Variants in MTMR7 observed in about 807,000 individuals in gnomAD.
MTMR7 encodes phosphatidylinositol-3-phosphate phosphatase MTMR7.
MTMR7 carries 76 observed loss-of-function variants against 81.2 expected under a neutral mutation model. The observed-to-expected ratio is 0.94, with a 90% confidence interval of 0.78 to 1.13. MTMR7 has a LOEUF of 1.13. Among genes scored for constraint, MTMR7 ranks in the 50% most tolerant of loss-of-function variants. The pLI is 0.00. For missense variants in MTMR7, 1,044 were observed against 820.0 expected (o/e 1.27, Z -3.34); for synonymous variants, 372 against 289.8 (o/e 1.28, Z -2.88).
chr8:17,374,726 T>C, intron 1 of MTMR7, among the ~76,000 whole-genome samples: 1 of 151,588 alleles, frequency 6.6e-6, no homozygotes, highest in Non-Finnish European at 1.5e-5. Context: ...GGCAGGAAAA[T>C]CACTTGAACC....
chr8:17,404,262 A>G (rs11993534), intron 1 of MTMR7, among the ~76,000 whole-genome samples: 66,119 of 151,902 alleles, frequency 0.44, 15,355 homozygotes, highest in Admixed American at 0.59. Flanking sequence ...ATGGGAGGAG[A>G]TAAAAAGAGG....
intron 4 of MTMR7, among the ~76,000 whole-genome samples, chr8:17,353,913 G>C (rs986084548): frequency 6.6e-6 from 1 of 152,082 alleles, no homozygotes; most frequent in African/African-American, 2.4e-5. Context: ...CTTACTATAC[G>C]CCAGGCATTA....
At chr8:17,323,390 T>C (rs751590155) in intron 7 of MTMR7, among the ~76,000 whole-genome samples, 11 of 152,078 alleles carry the variant, frequency 7.2e-5, no homozygotes, top group Non-Finnish European at 1.5e-4. Flanking sequence ...AAAGTCAATA[T>C]ACAAACGGAG....
chr8:17,377,049 T>G, intron 1 of MTMR7, among the ~76,000 whole-genome samples: 1 of 149,620 alleles, frequency 6.7e-6, no homozygotes, highest in East Asian at 1.9e-4. Context: ...TTATTTTGAT[T>G]TGTTTTTTTT....
chr8:17,358,239 A>G (rs1819954372), intron 4 of MTMR7, among the ~76,000 whole-genome samples: 1 of 152,210 alleles, frequency 6.6e-6, no homozygotes, highest in Non-Finnish European at 1.5e-5. Flanking sequence ...CACCAAGCAA[A>G]CTCTGACAAA....
At chr8:17,400,374 G>C (rs1055104618) in intron 1 of MTMR7, among the ~76,000 whole-genome samples, 38 of 152,290 alleles carry the variant, frequency 2.5e-4, no homozygotes, top group African/African-American at 9.1e-4. Flanking sequence ...AAGAGGCAGA[G>C]TGAGGATTCA....
chr8:17,315,285 A>G (rs1348998225), intron 7 of MTMR7, among the ~76,000 whole-genome samples: 1 of 152,202 alleles, frequency 6.6e-6, no homozygotes, highest in Non-Finnish European at 1.5e-5. Flanking sequence ...GACCTCCTAG[A>G]AAAGGCAAAA....
chr8:17,314,594 T>C (rs1048333098), intron 7 of MTMR7, among the ~76,000 whole-genome samples: 3 of 152,168 alleles, frequency 2.0e-5, no homozygotes, highest in Admixed American at 2.0e-4. Flanking sequence ...TTCACTGTGA[T>C]TTCCTGCAGC....
At chr8:17,300,415 G>A (rs1817039120) in intron 13 of MTMR7, 191 bp from the exon 14 acceptor site, 2 of 607,830 alleles carry the variant, frequency 3.3e-6, no homozygotes, top group Middle Eastern at 4.5e-4. Flanking sequence ...TATCTCTAAT[G>A]TAAGGATAAT....
chr8:17,373,961 A>G (rs1820496541), intron 1 of MTMR7, among the ~76,000 whole-genome samples: 1 of 152,216 alleles, frequency 6.6e-6, no homozygotes, highest in Admixed American at 6.5e-5. Flanking sequence ...AAATGACAAG[A>G]CAATCTCTAC....
intron 1 of MTMR7, among the ~76,000 whole-genome samples, chr8:17,402,298 AATT>A (rs1458861740): frequency 6.6e-6 from 1 of 152,016 alleles, no homozygotes; most frequent in Non-Finnish European, 1.5e-5. Context: ...TTATTTATTA[AATT>A]ATTATTCACC....
chr8:17,339,342 T>C (rs1310160140), intron 6 of MTMR7, among the ~76,000 whole-genome samples: 3 of 152,142 alleles, frequency 2.0e-5, no homozygotes, highest in Non-Finnish European at 4.4e-5. Flanking sequence ...ACCCACAGAG[T>C]TGTGCAACCA....
intron 11 of MTMR7, among the ~76,000 whole-genome samples, chr8:17,304,843 A>G (rs907971728): frequency 1.4e-4 from 22 of 151,806 alleles, no homozygotes; most frequent in African/African-American, 5.1e-4. Flanking sequence ...ACACTATTCT[A>G]AATGTTCCAC....
intron 1 of MTMR7, among the ~76,000 whole-genome samples, chr8:17,397,094 C>A (rs1427504529): frequency 6.6e-6 from 1 of 151,882 alleles, no homozygotes; most frequent in East Asian, 1.9e-4. Flanking sequence ...CACAGTGGGC[C>A]TTGGGTGAGA....
intron 7 of MTMR7, among the ~76,000 whole-genome samples, chr8:17,319,514 G>C (rs1293653054): frequency 6.6e-6 from 1 of 152,170 alleles, no homozygotes; most frequent in Non-Finnish European, 1.5e-5. Flanking sequence ...CAAACCTCGA[G>C]TTTTTGCCAC....
At chr8:17,390,010 C>A (rs920216893) in intron 1 of MTMR7, among the ~76,000 whole-genome samples, 1 of 151,170 alleles carries the variant, frequency 6.6e-6, no homozygotes, top group Non-Finnish European at 1.5e-5. Flanking sequence ...GATAAAGTCA[C>A]TGCTCACATG....
At chr8:17,395,534 C>T (rs1247843111) in intron 1 of MTMR7, among the ~76,000 whole-genome samples, 2 of 152,166 alleles carry the variant, frequency 1.3e-5, no homozygotes, top group Admixed American at 6.6e-5. Context: ...ACATTATCAC[C>T]AACAATGCAC....
intron 5 of MTMR7, among the ~76,000 whole-genome samples, chr8:17,342,168 C>G (rs547836495): frequency 6.6e-6 from 1 of 152,304 alleles, no homozygotes; most frequent in African/African-American, 2.4e-5. Flanking sequence ...ATTGCACTGT[C>G]AGATGACATC....
At chr8:17,394,732 A>G (rs73666134) in intron 1 of MTMR7, among the ~76,000 whole-genome samples, 11,018 of 152,204 alleles carry the variant, frequency 0.072, 1,264 homozygotes, top group African/African-American at 0.24. Context: ...TCAAAAATAT[A>G]TATACGTGGC....
Sources: allele counts gnomAD v4.1 joint callset (sites outside exome capture counted in the v4.1 genomes callset), GRCh38; gene constraint gnomAD v4.1.1; transcripts MANE v1.5; gene names NCBI Gene and HGNC (gene_info 2026-07-23, HGNC 2026-07-21).